The following PTPRB variants were observed in gnomAD, a reference collection of about 807,000 sequenced individuals.
The protein encoded by PTPRB is protein tyrosine phosphatase receptor type B, also known as receptor-type tyrosine-protein phosphatase beta.
PTPRB carries 97 observed loss-of-function variants against 238.1 expected under a neutral mutation model. The ratio of observed to expected loss-of-function variants is 0.41; its 90% CI spans 0.35 to 0.48. The LOEUF (loss-of-function observed/expected upper bound fraction) is 0.48, where lower values mean the gene tolerates loss of function less well. Ranked by LOEUF, PTPRB falls within the 20% of genes least tolerant of loss-of-function variation. The pLI, the probability that PTPRB is intolerant of heterozygous loss-of-function variation, is 0.30. For missense variants in PTPRB, 2,292 were observed against 2,681.9 expected (o/e 0.85, Z 3.21); for synonymous variants, 970 against 995.4 (o/e 0.97, Z 0.48).
chr12:70,521,392 A>G lies in PTPRB; in HGVS notation c.*97T>C. On this transcript the variant is annotated 3_prime_UTR_variant, in exon 34 of 34. Coordinates refer to ENST00000334414, the MANE Select transcript of PTPRB (RefSeq NM_001109754.4). ...GATTAATAAATTATACATAGTATCA[A>G]CAGAAATAGCTGGCACCTCTGTAGG... 3 of 849,420 alleles carry G rather than the reference A, an allele frequency of 3.5e-6. No homozygotes were observed. Among genetic ancestry groups the G allele is most frequent in the Non-Finnish European group, 5.2e-6 (3 of 579,298 alleles). The allele number at this position is 849,420 out of a possible 1,614,324, so 52.6% of individuals were successfully genotyped here.
At chr12:70,548,846 C>T (rs78625237) in intron 21 of PTPRB, among the ~76,000 whole-genome samples, 4,472 of 152,290 alleles carry the variant, frequency 0.029, 226 homozygotes, top group African/African-American at 0.1. Context: ...ATTTAAACCT[C>T]CACGCTTTGA....
At position 70,587,007 on chromosome 12, in the gene PTPRB, C is replaced by T; in HGVS notation, c.2311G>A (p.Val771Met). 1 of 1,611,706 alleles carries T rather than the reference C, an allele frequency of 6.2e-7. No individual in the cohort carries two copies. Residue 771 changes from valine (V) to methionine (M), a missense_variant and splice_region_variant, in exon 9 of 34, where the codon GTG becomes ATG. Coordinates refer to ENST00000334414, the MANE Select transcript of PTPRB (RefSeq NM_001109754.4). ...ATGTAAAATTTATAAAGGTTACTAC[C>T]TGTTCTTCCTTTTACTGAAGAGGAA... The part of the protein sequence containing the change: ...KNSSSVKGRT[V>M]PAQVTDLHVA...
intron 28 of PTPRB, among the ~76,000 whole-genome samples, chr12:70,537,204 G>A (rs1874270834): frequency 6.7e-6 from 1 of 149,316 alleles, no homozygotes; most frequent in South Asian, 2.1e-4. Context: ...GGAGAATGGC[G>A]TGAACCCGGG....
intron 2 of PTPRB, among the ~76,000 whole-genome samples, chr12:70,627,911 C>T (rs146064375): frequency 2.7e-3 from 404 of 152,230 alleles, no homozygotes; most frequent in Non-Finnish European, 4.2e-3. Flanking sequence ...GTACTTCTGC[C>T]GGCCAGTAAA....
intron 27 of PTPRB, chr12:70,538,507 A>G: frequency 2.2e-6 from 1 of 462,446 alleles, no homozygotes. Context: ...GCTCCCTTTC[A>G]CTGCTGGAAT....
At chr12:70,541,148 C>T (rs1875036454) in intron 22 of PTPRB, 191 bp from the exon 23 acceptor site, 3 of 564,080 alleles carry the variant, frequency 5.3e-6, no homozygotes, top group Admixed American at 3.3e-5. Context: ...AAGGCTGGCT[C>T]CCACCCTGTA....
intron 8 of PTPRB, among the ~76,000 whole-genome samples, chr12:70,589,012 A>T (rs1297482673): frequency 6.6e-6 from 1 of 152,174 alleles, no homozygotes; most frequent in Non-Finnish European, 1.5e-5. Context: ...AATTATGCTG[A>T]CATGCTGAGA....
intron 4 of PTPRB, among the ~76,000 whole-genome samples, chr12:70,601,818 G>T (rs1883525530): frequency 7.4e-6 from 1 of 134,948 alleles, no homozygotes; most frequent in Admixed American, 8.0e-5. Context: ...TTGAGATGGA[G>T]TCTCACTCTG....
Position 70,631,098 on chromosome 12 carries a change from C to CA in PTPRB, c.451+4572dup, listed in dbSNP as rs1266295248. Among the ~76,000 whole-genome samples the CA allele has an allele frequency of 2.6e-5, 4 of 152,128 alleles. No individual in the cohort carries two copies. The East Asian group carries it at 5.8e-4, about 22-fold the overall frequency. On this transcript the variant is annotated intron_variant, in intron 2 of 33. Transcript: ENST00000334414. Reference sequence around the variant, plus strand: ...AACTACTTTAAAGTTCATATGGAACCAAAAAAGAGCCCACATAGCCAAGAC... The same window carrying CA: ...AACTACTTTAAAGTTCATATGGAACCAAAAAAAGAGCCCACATAGCCAAGAC...
At chr12:70,565,310 C>T (rs1201814979) in intron 15 of PTPRB, among the ~76,000 whole-genome samples, 1 of 152,214 alleles carries the variant, frequency 6.6e-6, no homozygotes, top group African/African-American at 2.4e-5. Context: ...TAATTTGGCT[C>T]CAATCTGGCT....
chr12:70,544,532 A>G, intron 22 of PTPRB, 25 bp downstream of exon 22: 1 of 1,499,460 alleles, frequency 6.7e-7, no homozygotes, highest in Non-Finnish European at 9.3e-7. Flanking sequence ...CAGTTGGTAG[A>G]ACATGATGTA....
chr12:70,609,900 G>T, intron 3 of PTPRB: 1 of 1,255,438 alleles, frequency 8.0e-7, no homozygotes, highest in Non-Finnish European at 1.1e-6. Flanking sequence ...CACCTGTTGC[G>T]CGCGCTCAGC....
chr12:70,597,622 T>C (rs761449343), intron 4 of PTPRB, among the ~76,000 whole-genome samples: 5 of 152,240 alleles, frequency 3.3e-5, no homozygotes, highest in Middle Eastern at 3.4e-3. Context: ...TGGAGACCAA[T>C]ATTGAAGGGT....
chr12:70,618,291 G>C (rs1165932833), intron 3 of PTPRB, among the ~76,000 whole-genome samples: 1 of 152,014 alleles, frequency 6.6e-6, no homozygotes, highest in Non-Finnish European at 1.5e-5. Flanking sequence ...ATTTTTTCTT[G>C]CAGAGACAGG....
chr12:70,539,778 C>A (rs1441792883), intron 25 of PTPRB, 49 bp downstream of exon 25: 1 of 1,597,676 alleles, frequency 6.3e-7, no homozygotes, highest in Non-Finnish European at 8.6e-7. Context: ...TATTCTGACT[C>A]ATATTTCAAA....
chr12:70,553,159 A>C (rs1877152881), intron 20 of PTPRB, 139 bp from the exon 21 acceptor site: 1 of 1,078,184 alleles, frequency 9.3e-7, no homozygotes, highest in Non-Finnish European at 1.3e-6. Flanking sequence ...GCAATCTCAA[A>C]GAACGATGTG....
Position 70,569,713 on chromosome 12 carries a change from C to T in PTPRB, c.3596G>A (p.Gly1199Glu). The change falls in exon 14 of 34, where the codon GGG becomes GAG. Residue 1199 changes from glycine (G) to glutamate (E), a missense_variant. Around this residue, in one of 4 missense-constraint regions of PTPRB, gnomAD observed 683 missense variants for 862.0 expected, o/e 0.79. Coordinates refer to ENST00000334414, the MANE Select transcript of PTPRB (RefSeq NM_001109754.4). The stretch of plus-strand genomic sequence containing the variant: ...CACATTTATCTGATTCTTCAGGGAC[C>T]CGCTGACTGAGGCAATCATGATCTG... ...QYQIMIASVS[G>E]SLKNQINVVG... The T allele has an allele frequency of 6.2e-7, 1 of 1,613,898 alleles. No homozygotes were observed. Among genetic ancestry groups the T allele is most frequent in the Non-Finnish European group, 8.5e-7 (1 of 1,179,886 alleles).
chr12:70,609,245 G>A lies in PTPRB; in HGVS notation c.803C>T (p.Ser268Leu). 6.2e-7 allele frequency: 1 copy of A among 1,614,068 alleles called. No homozygotes were observed. The highest frequency in any genetic ancestry group is 2.2e-5 in the East Asian group (1 of 44,882). Residue 268 changes from serine to leucine, a missense_variant, in exon 4 of 34, where the codon TCA becomes TTA. Ser to Leu is a moderately radical substitution (Grantham distance 145). Coordinates refer to ENST00000334414, the MANE Select transcript of PTPRB (RefSeq NM_001109754.4). ...SVSIQWRILG[S>L]PCNFSLIYSS... Reference sequence around the variant, plus strand: ...ATAGATGAGGCTAAAGTTACAGGGTGAGCCCAAAATTCTCCACTGGATAGA... The same window carrying A: ...ATAGATGAGGCTAAAGTTACAGGGTAAGCCCAAAATTCTCCACTGGATAGA...
At chr12:70,623,714 G>A (rs1007856019) in intron 2 of PTPRB, among the ~76,000 whole-genome samples, 15 of 152,130 alleles carry the variant, frequency 9.9e-5, no homozygotes, top group Admixed American at 3.9e-4. Flanking sequence ...CTGGGAGAGC[G>A]AGGATTTTAT....
Sources: allele counts gnomAD v4.1 joint callset (sites outside exome capture counted in the v4.1 genomes callset), GRCh38; gene constraint gnomAD v4.1.1; regional missense constraint gnomAD v4.1.1; transcripts MANE v1.5; gene names NCBI Gene and HGNC (gene_info 2026-07-23, HGNC 2026-07-21).